The following TRAIP variants were observed in gnomAD, a reference collection of about 807,000 sequenced individuals.
TRAIP encodes the protein E3 ubiquitin-protein ligase TRAIP.
TRAIP carries 37 observed loss-of-function variants against 65.0 expected under a neutral mutation model. The observed-to-expected ratio is 0.57, with a 90% CI of 0.44 to 0.75. The LOEUF is 0.75. TRAIP is among the 30% of genes least tolerant of loss of function. The probability of loss-of-function intolerance (pLI) is 0.00; values close to 1 mark genes in which losing one functional copy is unlikely to be tolerated. For missense variants in TRAIP, 481 were observed against 579.4 expected (o/e 0.83, Z 1.74); for synonymous variants, 187 against 219.1 (o/e 0.85, Z 1.29).
At chr3:49,849,071 C>T (rs2081909750) in intron 1 of TRAIP, among the ~76,000 whole-genome samples, 1 of 152,156 alleles carries the variant, frequency 6.6e-6, no homozygotes, top group Non-Finnish European at 1.5e-5. Flanking sequence ...TCTTGAACTC[C>T]TGACCTCAAG....
rs1221570844 is a variant in TRAIP, at chr3:49,839,824, A to C, written c.832T>G (p.Leu278Val). The C allele has an allele frequency of 1.2e-6, 2 of 1,614,126 alleles. No homozygotes were observed. Among genetic ancestry groups the C allele is most frequent in the African/African-American group, 2.7e-5 (2 of 74,942 alleles). Residue 278 changes from leucine to valine, a missense_variant, in exon 10 of 15, where the codon TTG becomes GTG. Leu to Val is a conservative substitution (Grantham distance 32). Coordinates refer to ENST00000331456, the MANE Select transcript of TRAIP (RefSeq NM_005879.3). The stretch of plus-strand genomic sequence containing the variant: ...TCACTGGCCACTGGTGGCAGGTTCA[A>C]GGTTTCCTGCAGCATCGTTAGCTTC... ...KKKLTMLQET[L>V]NLPPVASETV...
At chr3:49,829,790 G>A (rs751065594) in intron 12 of TRAIP, 24 bp from the exon 13 acceptor site, 1 of 1,613,274 alleles carries the variant, frequency 6.2e-7, no homozygotes, top group Admixed American at 1.7e-5. Flanking sequence ...CCCAGGGCCA[G>A]ACTTGATGAG....
chr3:49,829,047 G>T lies in TRAIP; in HGVS notation c.*56C>A. ...TGTCCACAAAACCCCTGCCTGGACA[G>T]TCCTTGACCTACAAGTTGCAGGCAT... On this transcript the variant is annotated 3_prime_UTR_variant, in exon 15 of 15. Coordinates refer to ENST00000331456, the MANE Select transcript of TRAIP (RefSeq NM_005879.3). The T allele has an allele frequency of 2.5e-6, 4 of 1,613,320 alleles. No homozygotes were observed. The highest frequency in any genetic ancestry group is 2.5e-6 in the Non-Finnish European group (3 of 1,179,492).
At chr3:49,849,368 G>A (rs2081912185) in intron 1 of TRAIP, among the ~76,000 whole-genome samples, 1 of 150,978 alleles carries the variant, frequency 6.6e-6, no homozygotes, top group African/African-American at 2.4e-5. Context: ...GCTCACGCCT[G>A]TAATCCCAGC....
At chr3:49,851,551 G>A (rs1246916905) in intron 1 of TRAIP, among the ~76,000 whole-genome samples, 3 of 151,850 alleles carry the variant, frequency 2.0e-5, no homozygotes, top group South Asian at 2.1e-4. Context: ...ATCATGCCCA[G>A]GTAATTTATA....
chr3:49,843,886 C>T lies in TRAIP; in HGVS notation c.323G>A (p.Arg108Gln), dbSNP rs186312616. The change falls in exon 5 of 15, where the codon CGG becomes CAG. Residue 108 changes from arginine (R) to glutamine (Q), a missense_variant. Coordinates refer to ENST00000331456, the MANE Select transcript of TRAIP (RefSeq NM_005879.3). Reference sequence around the variant, plus strand: ...AGCATTGCGTTCTTCCAGCGTATCCCGCAGAGTGTCGATGATGACCTGGCT... The same window carrying T: ...AGCATTGCGTTCTTCCAGCGTATCCTGCAGAGTGTCGATGATGACCTGGCT... ...RDSQVIIDTL[R>Q]DTLEERNATV... The T allele has an allele frequency of 2.7e-4, 428 of 1,613,178 alleles. 2 individuals carry two copies. The highest frequency in any genetic ancestry group is 1.2e-4 in the Non-Finnish European group (140 of 1,179,202).
chr3:49,854,008 A>C (rs1005144285), intron 1 of TRAIP, among the ~76,000 whole-genome samples: 1 of 152,030 alleles, frequency 6.6e-6, no homozygotes, highest in Non-Finnish European at 1.5e-5. Flanking sequence ...AAAAAAAATT[A>C]TTCCAAACAA....
rs79853485 is a variant in TRAIP, at chr3:49,843,473, C to G, written c.408+328G>C. ...GGAAGGTTCTTCAGGCTGGCCTCAT[C>G]AGTAGAGTATGAACCACTTTCGGAA... On this transcript the variant is annotated intron_variant, in intron 5 of 14. Transcript: ENST00000331456. 1,002 of 223,722 alleles carry G rather than the reference C, an allele frequency of 4.5e-3. 15 individuals carry two copies. The highest frequency in any genetic ancestry group is 0.021 in the African/African-American group (958 of 45,272). The allele number at this position is 223,722 out of a possible 1,614,324, so 13.9% of individuals were successfully genotyped here.
chr3:49,849,840 CTTTTTTT>C (rs1185587392), intron 1 of TRAIP, among the ~76,000 whole-genome samples: 29 of 89,856 alleles, frequency 3.2e-4, no homozygotes, highest in East Asian at 1.4e-3. Flanking sequence ...CTTTTCTTTT[CTTTTTTT>C]TTTTTTTTTT....
intron 6 of TRAIP, 77 bp downstream of exon 6, chr3:49,842,376 T>G: frequency 6.9e-7 from 1 of 1,439,230 alleles, no homozygotes; most frequent in South Asian, 1.1e-5. Flanking sequence ...TCCCACTCCC[T>G]GCTGCAGTCC....
At chr3:49,841,972 A>C (rs2108316121) in intron 6 of TRAIP, 33 bp from the exon 7 acceptor site, 1 of 1,568,484 alleles carries the variant, frequency 6.4e-7, no homozygotes, top group Middle Eastern at 1.7e-4. Context: ...GGCATTTGCA[A>C]TCTGGAGGCT....
At chr3:49,838,917 G>A (rs971086460) in intron 10 of TRAIP, among the ~76,000 whole-genome samples, 3 of 150,820 alleles carry the variant, frequency 2.0e-5, no homozygotes, top group Non-Finnish European at 3.0e-5. Flanking sequence ...TGGGCTGGGC[G>A]CAGTGGCTCA....
At chr3:49,844,503 A>AG in intron 4 of TRAIP, 38 bp downstream of exon 4, 1 of 1,611,826 alleles carries the variant, frequency 6.2e-7, no homozygotes, top group South Asian at 1.1e-5. Flanking sequence ...CATCCAAGTC[A>AG]GGGGCTTCCC....
At chr3:49,833,833 C>T (rs1225951509) in intron 10 of TRAIP, among the ~76,000 whole-genome samples, 1 of 152,142 alleles carries the variant, frequency 6.6e-6, no homozygotes, top group African/African-American at 2.4e-5. Context: ...AGCCTATTTC[C>T]CTTTCTGCCA....
intron 1 of TRAIP, among the ~76,000 whole-genome samples, chr3:49,853,538 A>C (rs1160935577): frequency 1.3e-5 from 2 of 152,228 alleles, no homozygotes; most frequent in Non-Finnish European, 2.9e-5. Flanking sequence ...ATAGCAGATA[A>C]AATGGACTTT....
At chr3:49,849,747 T>A (rs1471476167) in intron 1 of TRAIP, among the ~76,000 whole-genome samples, 2 of 151,534 alleles carry the variant, frequency 1.3e-5, no homozygotes, top group African/African-American at 4.8e-5. Flanking sequence ...ACTCCCCTAC[T>A]CCTAGGGACC....
intron 1 of TRAIP, among the ~76,000 whole-genome samples, chr3:49,849,556 C>T (rs1302927854): frequency 1.3e-5 from 2 of 151,706 alleles, no homozygotes; most frequent in African/African-American, 4.8e-5. Flanking sequence ...ACCTGGGAGG[C>T]GGAGATTGCA....
chr3:49,846,589 C>T lies in TRAIP; in HGVS notation c.240+936G>A, dbSNP rs149320938. 1.1e-4 allele frequency among the ~76,000 whole-genome samples: 16 copies of T among 152,338 alleles called. No individual in the cohort carries two copies. In the East Asian group the frequency reaches 3.1e-3, roughly 29 times the overall value. On this transcript the variant is annotated intron_variant, in intron 3 of 14. Coordinates refer to ENST00000331456, the MANE Select transcript of TRAIP (RefSeq NM_005879.3). Reference sequence around the variant, plus strand: ...CCCAAAGGGAGGGTTTACAGTCAAGCAGCTCCCCTCTTCCCTCACAGTGCA... The same window carrying T: ...CCCAAAGGGAGGGTTTACAGTCAAGTAGCTCCCCTCTTCCCTCACAGTGCA...
chr3:49,836,213 G>C (rs2081785276), intron 10 of TRAIP, among the ~76,000 whole-genome samples: 1 of 152,106 alleles, frequency 6.6e-6, no homozygotes, highest in African/African-American at 2.4e-5. Context: ...GGTGGTGGCT[G>C]GGTGTGGTGG....
Sources: allele counts gnomAD v4.1 joint callset (sites outside exome capture counted in the v4.1 genomes callset), GRCh38; gene constraint gnomAD v4.1.1; transcripts MANE v1.5; gene names NCBI Gene and HGNC (gene_info 2026-07-23, HGNC 2026-07-21).